Variants in STXBP5L observed in about 807,000 individuals in gnomAD.
STXBP5L encodes the protein syntaxin-binding protein 5-like.
Under a neutral mutation model 144.5 loss-of-function variants are expected in STXBP5L, and 65 were observed. The ratio of observed to expected loss-of-function variants is 0.45; its 90% CI spans 0.37 to 0.55. The LOEUF (loss-of-function observed/expected upper bound fraction) is 0.55. Among genes scored for constraint, STXBP5L ranks in the 20% least tolerant of loss-of-function variants. STXBP5L has a pLI of 0.00. For synonymous variants in STXBP5L, 505 were observed against 469.6 expected (o/e 1.08, Z -0.97); for missense variants, 1,298 against 1,405.5 (o/e 0.92, Z 1.22).
intron 19 of STXBP5L, among the ~76,000 whole-genome samples, chr3:121,308,278 A>G (rs571758881): frequency 6.6e-6 from 1 of 152,370 alleles, no homozygotes; most frequent in South Asian, 2.1e-4. Flanking sequence ...AAATTTTTAA[A>G]AAAACCTCAT....
chr3:121,093,134 G>A (rs144072157), intron 5 of STXBP5L, among the ~76,000 whole-genome samples: 85 of 152,334 alleles, frequency 5.6e-4, no homozygotes, highest in African/African-American at 1.7e-3. Flanking sequence ...ATTTGATCAT[G>A]GTGGAGAAGC....
intron 5 of STXBP5L, among the ~76,000 whole-genome samples, chr3:121,060,877 C>T (rs1317373113): frequency 6.6e-6 from 1 of 152,126 alleles, no homozygotes; most frequent in African/African-American, 2.4e-5. Flanking sequence ...CTTTATTAGT[C>T]TGGCTAGCGG....
At chr3:121,255,449 A>T (rs532640522) in intron 16 of STXBP5L, among the ~76,000 whole-genome samples, 2 of 152,032 alleles carry the variant, frequency 1.3e-5, no homozygotes, top group South Asian at 4.1e-4. Flanking sequence ...GGCCGAAATA[A>T]GTCAACTCTA....
chr3:121,303,046 T>C (rs1225166583), intron 19 of STXBP5L, among the ~76,000 whole-genome samples: 1 of 152,136 alleles, frequency 6.6e-6, no homozygotes, highest in East Asian at 1.9e-4. Context: ...CTAATTAAGC[T>C]AAAGAGCTTC....
At chr3:121,039,616 G>A (rs913722003) in intron 3 of STXBP5L, among the ~76,000 whole-genome samples, 4 of 151,314 alleles carry the variant, frequency 2.6e-5, no homozygotes, top group Non-Finnish European at 4.4e-5. Flanking sequence ...ATTCCTTTTA[G>A]TGCAGGTCTG....
At chr3:121,017,955 C>T (rs557408782) in intron 3 of STXBP5L, among the ~76,000 whole-genome samples, 13 of 152,136 alleles carry the variant, frequency 8.5e-5, no homozygotes, top group African/African-American at 2.6e-4. Flanking sequence ...GGCATGCACC[C>T]GCAGTCCTAA....
chr3:121,157,066 T>C (rs2046140425), intron 8 of STXBP5L, among the ~76,000 whole-genome samples: 1 of 152,108 alleles, frequency 6.6e-6, no homozygotes, highest in African/African-American at 2.4e-5. Context: ...TTGATTTAAA[T>C]AGTATATGCA....
At chr3:121,133,626 G>A (rs1386767104) in intron 7 of STXBP5L, among the ~76,000 whole-genome samples, 1 of 152,174 alleles carries the variant, frequency 6.6e-6, no homozygotes, top group African/African-American at 2.4e-5. Flanking sequence ...CGCAAGAAAT[G>A]CTAAAGAGTT....
chr3:121,114,867 TATA>T (rs1231385431), intron 5 of STXBP5L, 55 bp from the exon 6 acceptor site: 284 of 1,249,254 alleles, frequency 2.3e-4, no homozygotes, highest in Non-Finnish European at 2.8e-4. Context: ...GTAAGGAAAA[TATA>T]ATGCTGACCA....
chr3:121,328,067 G>A (rs993366500), intron 20 of STXBP5L, among the ~76,000 whole-genome samples: 1 of 152,132 alleles, frequency 6.6e-6, no homozygotes, highest in African/African-American at 2.4e-5. Context: ...ATACTATTGT[G>A]CAAAGGAAAT....
intron 2 of STXBP5L, among the ~76,000 whole-genome samples, chr3:120,923,954 A>T (rs932727716): frequency 2.6e-5 from 4 of 152,140 alleles, no homozygotes; most frequent in Non-Finnish European, 5.9e-5. Flanking sequence ...TATTCAACAC[A>T]TTTGTAGGAA....
chr3:121,248,072 T>C (rs1171224660), intron 14 of STXBP5L, among the ~76,000 whole-genome samples: 1 of 152,222 alleles, frequency 6.6e-6, no homozygotes, highest in East Asian at 1.9e-4. Flanking sequence ...TCTTCTTTTT[T>C]TTGATTTTTG....
At chr3:121,409,190 T>C (rs551245491) in intron 23 of STXBP5L, among the ~76,000 whole-genome samples, 2 of 151,780 alleles carry the variant, frequency 1.3e-5, no homozygotes, top group Non-Finnish European at 2.9e-5. Flanking sequence ...AAACAAGAAA[T>C]TGACTGAGCT....
intron 9 of STXBP5L, among the ~76,000 whole-genome samples, chr3:121,190,690 C>T (rs922091569): frequency 1.3e-5 from 2 of 151,980 alleles, no homozygotes; most frequent in East Asian, 1.9e-4. Flanking sequence ...GGCTGCCCCC[C>T]ACCTCCCTGA....
intron 20 of STXBP5L, among the ~76,000 whole-genome samples, chr3:121,338,368 G>A (rs1303395590): frequency 6.6e-6 from 1 of 152,022 alleles, no homozygotes; most frequent in East Asian, 1.9e-4. Flanking sequence ...GGATGGCCAG[G>A]TGCGGTGGTT....
chr3:121,094,127 G>T (rs966801382), intron 5 of STXBP5L, among the ~76,000 whole-genome samples: 1 of 152,136 alleles, frequency 6.6e-6, no homozygotes, highest in Non-Finnish European at 1.5e-5. Context: ...TTGCACTGTG[G>T]TCTGAGAGAC....
In STXBP5L at chr3:121,245,147, A is replaced by T. The variant is rs548468794; in HGVS notation, c.1400+4640A>T. Among the ~76,000 whole-genome samples, 36 of 152,268 alleles carry T rather than the reference A, an allele frequency of 2.4e-4. No homozygotes were observed. The South Asian group carries it at 4.1e-3, about 18-fold the overall frequency. ...ATGATAATAGATGCAAAATATAAAA[A>T]TATGTAATTTGTGACATCAATAACA... is the stretch of plus-strand genomic sequence containing the variant. On this transcript the variant is annotated intron_variant, in intron 14 of 26. Transcript: ENST00000471454.
chr3:120,964,136 T>C (rs952153659), intron 3 of STXBP5L, among the ~76,000 whole-genome samples: 1 of 152,240 alleles, frequency 6.6e-6, no homozygotes, highest in Non-Finnish European at 1.5e-5. Context: ...TATCATTTTT[T>C]ATTGCATGTA....
intron 5 of STXBP5L, among the ~76,000 whole-genome samples, chr3:121,111,958 C>T (rs971549853): frequency 6.6e-6 from 1 of 152,150 alleles, no homozygotes; most frequent in Non-Finnish European, 1.5e-5. Context: ...AGGCCCCCAT[C>T]CAGTGAGGAG....
Sources: allele counts gnomAD v4.1 joint callset (sites outside exome capture counted in the v4.1 genomes callset), GRCh38; gene constraint gnomAD v4.1.1; transcripts MANE v1.5; gene names NCBI Gene and HGNC (gene_info 2026-07-23, HGNC 2026-07-21).